The following BTRC variants were observed in gnomAD, a reference collection of about 807,000 sequenced individuals.
BTRC encodes the protein F-box/WD repeat-containing protein 1A.
BTRC carries 42 observed loss-of-function variants against 85.5 expected under a neutral mutation model. The observed-to-expected ratio is 0.49, with a 90% CI of 0.38 to 0.64. The LOEUF (loss-of-function observed/expected upper bound fraction) is 0.64. Ranked by LOEUF, BTRC falls within the 30% of genes least tolerant of loss-of-function variation. BTRC has a pLI of 0.00. For synonymous variants in BTRC, 255 were observed against 263.3 expected (o/e 0.97, Z 0.30); for missense variants, 594 against 743.5 (o/e 0.80, Z 2.34).
chr10:101,513,265 A>G (rs1352909286), intron 4 of BTRC, among the ~76,000 whole-genome samples: 1 of 152,226 alleles, frequency 6.6e-6, no homozygotes, highest in Non-Finnish European at 1.5e-5. Context: ...ATCAGTAGGA[A>G]TACTGTACTC....
At chr10:101,544,054 C>T (rs942379611) in intron 13 of BTRC, among the ~76,000 whole-genome samples, 4 of 152,044 alleles carry the variant, frequency 2.6e-5, no homozygotes, top group East Asian at 3.8e-4. Flanking sequence ...GGACTACAGG[C>T]GCCCGCCACC....
At chr10:101,526,316 G>T (rs930417105) in intron 6 of BTRC, 117 bp downstream of exon 6, 11 of 892,268 alleles carry the variant, frequency 1.2e-5, no homozygotes, top group Non-Finnish European at 1.7e-5. Context: ...TGATTTTGTT[G>T]ATTTCTAGCT....
chr10:101,547,153 A>G (rs577966111), intron 13 of BTRC, among the ~76,000 whole-genome samples: 72 of 152,234 alleles, frequency 4.7e-4, no homozygotes, highest in Non-Finnish European at 8.4e-4. Flanking sequence ...CATTTACAAC[A>G]GGTTCATCAG....
intron 4 of BTRC, among the ~76,000 whole-genome samples, chr10:101,508,913 T>TAAAAAAAAAAAAAAAAAAAAAAAAAAAAA (rs59998718): frequency 9.8e-6 from 1 of 101,952 alleles, no homozygotes; most frequent in Admixed American, 1.1e-4. Flanking sequence ...GACTCCATCT[T>TAAAAAAAAAAAAAAAAAAAAAAAAAAAAA]AAAAAAAAAA....
intron 1 of BTRC, among the ~76,000 whole-genome samples, chr10:101,373,880 T>G (rs1942711910): frequency 6.6e-6 from 1 of 150,502 alleles, no homozygotes; most frequent in Non-Finnish European, 1.5e-5. Flanking sequence ...ATCGTGCCAC[T>G]GCACTTCAGC....
At chr10:101,356,617 T>C (rs565404582) in intron 1 of BTRC, among the ~76,000 whole-genome samples, 1 of 152,300 alleles carries the variant, frequency 6.6e-6, no homozygotes, top group East Asian at 1.9e-4. Flanking sequence ...TTACTTTCAT[T>C]ATTGACCTTG....
At chr10:101,474,950 T>A (rs1425267362) in intron 3 of BTRC, among the ~76,000 whole-genome samples, 1 of 152,236 alleles carries the variant, frequency 6.6e-6, no homozygotes, top group Admixed American at 6.5e-5. Context: ...CGGAACTCTT[T>A]GAGTCAAGTT....
At chr10:101,511,857 A>C (rs528441160) in intron 4 of BTRC, among the ~76,000 whole-genome samples, 8 of 152,080 alleles carry the variant, frequency 5.3e-5, no homozygotes, top group Non-Finnish European at 1.0e-4. Flanking sequence ...CACTATGTTG[A>C]CCAGGCTGGT....
At chr10:101,381,962 C>CTTTTTTTTT (rs71016314) in intron 1 of BTRC, among the ~76,000 whole-genome samples, 23 of 49,156 alleles carry the variant, frequency 4.7e-4, no homozygotes, top group African/African-American at 1.1e-3. Flanking sequence ...CTAAGAATGT[C>CTTTTTTTTT]TTTTTTTTTT....
intron 1 of BTRC, among the ~76,000 whole-genome samples, chr10:101,387,688 G>A (rs1401172040): frequency 1.3e-5 from 2 of 149,602 alleles, no homozygotes; most frequent in Non-Finnish European, 3.0e-5. Flanking sequence ...CACCACACCC[G>A]GCTGATTTTT....
intron 1 of BTRC, among the ~76,000 whole-genome samples, chr10:101,393,751 C>A (rs956572858): frequency 6.6e-6 from 1 of 152,148 alleles, no homozygotes; most frequent in Non-Finnish European, 1.5e-5. Flanking sequence ...CACACTCCCC[C>A]ACCCTGGAGG....
intron 2 of BTRC, among the ~76,000 whole-genome samples, chr10:101,449,038 A>T (rs181316200): frequency 6.6e-6 from 1 of 152,038 alleles, no homozygotes; most frequent in East Asian, 1.9e-4. Context: ...AGGAAAAAAA[A>T]TAATGATTAA....
chr10:101,366,909 AATATATATTTATAT>A (rs1942432056), intron 1 of BTRC, among the ~76,000 whole-genome samples: 2 of 19,296 alleles, frequency 1.0e-4, no homozygotes, highest in Admixed American at 1.1e-3. Context: ...TATATATATT[AATATATATTTATAT>A]ATATTTATAT....
chr10:101,363,913 A>G lies in BTRC; in HGVS notation c.48+9685A>G, dbSNP rs139539798. On this transcript the variant is annotated intron_variant, in intron 1 of 14. Transcript: ENST00000370187. ...TGTCACAGTATCATTTCAGTTAGCTATTGGCGTTTAGAATCACAAAATACC... is the reference window on the plus strand; with the variant it reads ...TGTCACAGTATCATTTCAGTTAGCTGTTGGCGTTTAGAATCACAAAATACC... 1.8e-4 allele frequency among the ~76,000 whole-genome samples: 28 copies of G among 152,212 alleles called. No homozygotes were observed. In the East Asian group the frequency reaches 4.6e-3, roughly 25 times the overall value.
At chr10:101,512,946 A>C (rs1022579271) in intron 4 of BTRC, among the ~76,000 whole-genome samples, 2 of 152,250 alleles carry the variant, frequency 1.3e-5, no homozygotes, top group South Asian at 2.1e-4. Context: ...ACACTTGAAC[A>C]GTAGTGGTTG....
chr10:101,523,526 G>A (rs1265498144), intron 5 of BTRC, among the ~76,000 whole-genome samples: 1 of 152,076 alleles, frequency 6.6e-6, no homozygotes, highest in South Asian at 2.1e-4. Flanking sequence ...TCATTACCTT[G>A]TTAGGGGAGG....
At chr10:101,372,575 A>G (rs1397434118) in intron 1 of BTRC, among the ~76,000 whole-genome samples, 2 of 143,626 alleles carry the variant, frequency 1.4e-5, no homozygotes, top group Admixed American at 7.0e-5. Flanking sequence ...GTGTATTAGA[A>G]TCAGCTAGGC....
At chr10:101,482,868 C>T (rs985081362) in intron 4 of BTRC, among the ~76,000 whole-genome samples, 1 of 152,150 alleles carries the variant, frequency 6.6e-6, no homozygotes. Flanking sequence ...GTACAAGTGT[C>T]TGTTGTTGAT....
chr10:101,549,687 A>C (rs1273988605), intron 13 of BTRC, among the ~76,000 whole-genome samples: 1 of 131,724 alleles, frequency 7.6e-6, no homozygotes, highest in East Asian at 2.4e-4. Flanking sequence ...GCACTCCAGC[A>C]GGGGCGAAAG....
Sources: allele counts gnomAD v4.1 joint callset (sites outside exome capture counted in the v4.1 genomes callset), GRCh38; gene constraint gnomAD v4.1.1; transcripts MANE v1.5; gene names NCBI Gene and HGNC (gene_info 2026-07-23, HGNC 2026-07-21).